The following CADPS variants were observed in gnomAD, a reference collection of about 807,000 sequenced individuals.
CADPS encodes the protein calcium-dependent secretion activator 1.
In CADPS, 57 loss-of-function variants were observed where a neutral mutation model predicts 167.3. The observed-to-expected ratio is 0.34, with a 90% CI of 0.28 to 0.42. The LOEUF (loss-of-function observed/expected upper bound fraction) is 0.42. CADPS is among the 20% of genes least tolerant of loss of function. CADPS has a pLI of 1.00. For missense variants in CADPS, 1,414 were observed against 1,738.1 expected (o/e 0.81, Z 3.32); for synonymous variants, 676 against 635.3 (o/e 1.06, Z -0.96).
intron 11 of CADPS, among the ~76,000 whole-genome samples, chr3:62,539,262 T>C (rs578032417): frequency 2.0e-5 from 3 of 152,236 alleles, no homozygotes; most frequent in East Asian, 3.9e-4. Flanking sequence ...TTCAGTTCCC[T>C]TCCTGCCGTT....
At chr3:62,679,634 C>T (rs1459695617) in intron 3 of CADPS, among the ~76,000 whole-genome samples, 2 of 152,168 alleles carry the variant, frequency 1.3e-5, no homozygotes, top group Middle Eastern at 3.4e-3. Context: ...GGAGATTGCA[C>T]TCACCAGCCC....
At chr3:62,839,921 T>C (rs891909553) in intron 1 of CADPS, among the ~76,000 whole-genome samples, 1 of 152,152 alleles carries the variant, frequency 6.6e-6, no homozygotes, top group Non-Finnish European at 1.5e-5. Flanking sequence ...GATGACCAGA[T>C]GCATGGTGAT....
chr3:62,794,277 TATA>T (rs2093203249), intron 1 of CADPS, among the ~76,000 whole-genome samples: 2 of 152,198 alleles, frequency 1.3e-5, no homozygotes, highest in African/African-American at 4.8e-5. Flanking sequence ...ATACATTTGT[TATA>T]ATAATTAAGT....
chr3:62,806,927 A>G (rs1350509832), intron 1 of CADPS, among the ~76,000 whole-genome samples: 1 of 152,186 alleles, frequency 6.6e-6, no homozygotes, highest in Non-Finnish European at 1.5e-5. Context: ...TTTCCTCTCT[A>G]ACATTTATAG....
intron 6 of CADPS, among the ~76,000 whole-genome samples, chr3:62,621,757 T>C (rs1326467644): frequency 1.3e-5 from 2 of 152,056 alleles, no homozygotes; most frequent in East Asian, 3.9e-4. Context: ...TACCCTCCGA[T>C]AGGCCCCAGT....
intron 26 of CADPS, among the ~76,000 whole-genome samples, chr3:62,449,118 C>G (rs1262137030): frequency 1.3e-5 from 2 of 152,132 alleles, no homozygotes; most frequent in African/African-American, 4.8e-5. Flanking sequence ...AGTATAGAAT[C>G]AGAATGAATG....
intron 3 of CADPS, among the ~76,000 whole-genome samples, chr3:62,712,915 T>A (rs986816518): frequency 1.2e-4 from 19 of 152,182 alleles, no homozygotes; most frequent in African/African-American, 4.6e-4. Context: ...AGGTTAAGAC[T>A]GAAGGCCATA....
At chr3:62,818,110 T>A (rs2094715424) in intron 1 of CADPS, among the ~76,000 whole-genome samples, 1 of 152,204 alleles carries the variant, frequency 6.6e-6, no homozygotes, top group Non-Finnish European at 1.5e-5. Flanking sequence ...AATTGTTTTT[T>A]TAATGCTTCC....
intron 1 of CADPS, among the ~76,000 whole-genome samples, chr3:62,840,628 T>C (rs979064390): frequency 5.3e-5 from 8 of 152,144 alleles, no homozygotes; most frequent in Non-Finnish European, 1.0e-4. Flanking sequence ...AACTTTCATA[T>C]GTACAGATGG....
At chr3:62,558,714 G>T (rs1044577844) in intron 9 of CADPS, among the ~76,000 whole-genome samples, 5 of 152,180 alleles carry the variant, frequency 3.3e-5, no homozygotes, top group Non-Finnish European at 7.3e-5. Flanking sequence ...TCCGCAGGAG[G>T]ATGTTTTTGG....
At chr3:62,798,955 T>TAG (rs1212924198) in intron 1 of CADPS, among the ~76,000 whole-genome samples, 3 of 152,174 alleles carry the variant, frequency 2.0e-5, no homozygotes, top group Non-Finnish European at 4.4e-5. Context: ...TGAGTCTCTC[T>TAG]AGACATCAGC....
At chr3:62,802,282 T>C (rs1449544609) in intron 1 of CADPS, among the ~76,000 whole-genome samples, 2 of 152,194 alleles carry the variant, frequency 1.3e-5, no homozygotes, top group African/African-American at 4.8e-5. Flanking sequence ...CATGAGTTTC[T>C]TGAAATATTG....
intron 23 of CADPS, among the ~76,000 whole-genome samples, chr3:62,475,995 C>A (rs1022218533): frequency 8.5e-5 from 13 of 152,120 alleles, no homozygotes; most frequent in Admixed American, 1.3e-4. Context: ...TGAGAGGGCT[C>A]TGTAGGACCA....
chr3:62,568,105 G>A (rs1358866479), intron 9 of CADPS, among the ~76,000 whole-genome samples: 1 of 152,164 alleles, frequency 6.6e-6, no homozygotes, highest in East Asian at 1.9e-4. Context: ...TATGAAATTT[G>A]ACCCTCAAGG....
chr3:62,741,080 T>C (rs534586015), intron 3 of CADPS, among the ~76,000 whole-genome samples: 3 of 152,300 alleles, frequency 2.0e-5, no homozygotes, highest in Admixed American at 6.5e-5. Context: ...GCCCACCCTA[T>C]ACTTCATTAT....
intron 5 of CADPS, among the ~76,000 whole-genome samples, chr3:62,649,097 A>G (rs751156961): frequency 6.6e-6 from 1 of 152,210 alleles, no homozygotes; most frequent in Non-Finnish European, 1.5e-5. Context: ...GTTTTTACAT[A>G]TTCTAATCAA....
chr3:62,639,491 G>A (rs2659472), intron 6 of CADPS, among the ~76,000 whole-genome samples: 137,774 of 152,024 alleles, frequency 0.91, 63,974 homozygotes, highest in East Asian at 1. Context: ...ATGCTCAGGC[G>A]CTCAGATTTT....
intron 3 of CADPS, among the ~76,000 whole-genome samples, chr3:62,667,444 T>G (rs2074674923): frequency 6.6e-6 from 1 of 152,044 alleles, no homozygotes; most frequent in Admixed American, 6.5e-5. Flanking sequence ...GCACAGTCCC[T>G]TCATCTGAGA....
intron 24 of CADPS, 199 bp from the exon 25 acceptor site, chr3:62,466,612 A>G: frequency 1.6e-6 from 1 of 632,304 alleles, no homozygotes; most frequent in Non-Finnish European, 2.9e-6. Context: ...AAATATTACC[A>G]AGTTCATTGT....
Sources: allele counts gnomAD v4.1 joint callset (sites outside exome capture counted in the v4.1 genomes callset), GRCh38; gene constraint gnomAD v4.1.1; transcripts MANE v1.5; gene names NCBI Gene and HGNC (gene_info 2026-07-23, HGNC 2026-07-21).